The following PSORS1C1 variants were observed in gnomAD, a reference collection of about 807,000 sequenced individuals.
PSORS1C1 encodes the protein psoriasis susceptibility 1 candidate gene 1 protein.
Under a neutral mutation model 9.4 loss-of-function variants are expected in PSORS1C1, and 7 were observed. The observed-to-expected ratio is 0.75, with a 90% CI of 0.42 to 1.40. The LOEUF (loss-of-function observed/expected upper bound fraction) is 1.40. Among genes scored for constraint, PSORS1C1 ranks in the 40% most tolerant of loss-of-function variants. The pLI is 0.01. For missense variants in PSORS1C1, 146 were observed against 178.1 expected, an observed-to-expected ratio of 0.82 and a Z score of 1.02; for synonymous variants, 63 against 69.4, an observed-to-expected ratio of 0.91 and a Z score of 0.46.
chr6:31,134,397 G>C (rs1365841876), intron 3 of PSORS1C1, among the ~76,000 whole-genome samples: 2 of 151,692 alleles, frequency 1.3e-5, no homozygotes, highest in Non-Finnish European at 2.9e-5. Context: ...CCACCTCCCA[G>C]GTTCACGCCA....
intron 1 of PSORS1C1, among the ~76,000 whole-genome samples, chr6:31,123,437 T>G (rs1223251019): frequency 1.3e-5 from 2 of 152,212 alleles, no homozygotes; most frequent in Non-Finnish European, 2.9e-5. Context: ...ATCAGCTGAG[T>G]GCCCACACAG....
intron 1 of PSORS1C1, chr6:31,117,193 G>C (rs768318080): frequency 1.2e-6 from 2 of 1,613,138 alleles, no homozygotes; most frequent in Non-Finnish European, 8.5e-7. Context: ...GCTGTTTCCC[G>C]AGTGAGAGCT....
At chr6:31,130,567 A>T (rs3131007) in intron 3 of PSORS1C1, among the ~76,000 whole-genome samples, 82,661 of 151,388 alleles carry the variant, frequency 0.55, 22,653 homozygotes, top group East Asian at 0.7. Context: ...GCCCGCCACC[A>T]CTCCCGGCTA....
Position 31,115,956 on chromosome 6 carries a change from C to CT in PSORS1C1, c.-229+1066dup. The CT allele has an allele frequency of 7.1e-7, 1 of 1,412,028 alleles. No individual in the cohort carries two copies. The highest frequency in any genetic ancestry group is 1.0e-6 in the Non-Finnish European group (1 of 1,001,314). The allele number at this position is 1,412,028 out of a possible 1,614,324, so 87.5% of individuals were successfully genotyped here. A position where few individuals can be genotyped will look rare whatever the true frequency, so the allele number is the denominator to read the frequency against. On this transcript the variant is annotated intron_variant, in intron 1 of 5. Coordinates refer to ENST00000259881, the MANE Select transcript of PSORS1C1 (RefSeq NM_014068.3). The surrounding 1 kb of genome is among the most constrained non-coding windows in gnomAD (Gnocchi z 4.2). Reference sequence around the variant, plus strand: ...AACCCTATGCCTGGGCACTGGACTTCTCCCATATGGGATATAGTGTATGTG... The same window carrying CT: ...AACCCTATGCCTGGGCACTGGACTTCTTCCCATATGGGATATAGTGTATGTG...
At chr6:31,127,610 C>G (rs1042695294) in intron 2 of PSORS1C1, among the ~76,000 whole-genome samples, 2 of 89,826 alleles carry the variant, frequency 2.2e-5, no homozygotes, top group South Asian at 2.8e-4. Context: ...GAGTTTCGCT[C>G]GTAGCCCAGC....
intron 4 of PSORS1C1, 55 bp downstream of exon 4, chr6:31,138,514 T>C: frequency 6.2e-7 from 1 of 1,608,154 alleles, no homozygotes; most frequent in Non-Finnish European, 8.5e-7. Context: ...CTACCCCCGA[T>C]GGATCTGAAC....
At chr6:31,137,649 A>C (rs1773210396) in intron 3 of PSORS1C1, 35 of 332,572 alleles carry the variant, frequency 1.1e-4, no homozygotes, top group East Asian at 2.8e-4. Flanking sequence ...GCCCTGCCCC[A>C]GCGATCGCGC....
In PSORS1C1 at chr6:31,139,601, GGGAT is replaced by G; in HGVS notation, c.168-39_168-36del. Reference sequence around the variant, plus strand: ...TTCCTGGGCACTTCCCTTCCCCCATGGGATCCAGGCATCCTGCTCTCCACCATGT... The same window carrying G: ...TTCCTGGGCACTTCCCTTCCCCCATGCCAGGCATCCTGCTCTCCACCATGT... On this transcript the variant is annotated intron_variant, in intron 5 of 5. Transcript: ENST00000259881. This position sits in a 1 kb window ranked among gnomAD's most constrained non-coding sequence, Gnocchi z 5.2. 1 of 1,593,248 alleles carries G rather than the reference GGGAT, an allele frequency of 6.3e-7. No homozygotes were observed. The highest frequency in any genetic ancestry group is 8.6e-7 in the Non-Finnish European group (1 of 1,166,926).
At chr6:31,120,490 T>C in intron 1 of PSORS1C1, 5 of 1,295,654 alleles carry the variant, frequency 3.9e-6, no homozygotes, top group Non-Finnish European at 5.5e-6. Flanking sequence ...GAGCTGGACA[T>C]TCCCTGGGCA....
rs950079587 is a variant in PSORS1C1 at position 31,139,418 on chromosome 6, C to G, written c.168-223C>G. On this transcript the variant is annotated intron_variant, in intron 5 of 5. Transcript: ENST00000259881. The surrounding 1 kb of genome is among the most constrained non-coding windows in gnomAD (Gnocchi z 5.2). Reference sequence around the variant, plus strand: ...GAATGGGAGCAAACCACGCGATGGGCGTTGGGAAGCACCGTAATTACAGGG... The same window carrying G: ...GAATGGGAGCAAACCACGCGATGGGGGTTGGGAAGCACCGTAATTACAGGG... The G allele has an allele frequency of 6.7e-6, 4 of 597,752 alleles. No individual in the cohort carries two copies. The highest frequency in any genetic ancestry group is 1.9e-5 in the African/African-American group (1 of 53,840). 37.0% of individuals were successfully genotyped at this position (597,752 alleles called of 1,614,324 possible).
intron 1 of PSORS1C1, among the ~76,000 whole-genome samples, chr6:31,121,345 C>T (rs1772453686): frequency 6.6e-6 from 1 of 152,166 alleles, no homozygotes; most frequent in South Asian, 2.1e-4. Flanking sequence ...AGGTGGTGGC[C>T]CCATAGCCCA....
At chr6:31,122,775 G>A (rs3130995) in intron 1 of PSORS1C1, among the ~76,000 whole-genome samples, 62,166 of 151,984 alleles carry the variant, frequency 0.41, 13,552 homozygotes, top group African/African-American at 0.57. Context: ...GGGAAACTCC[G>A]TCTCAAAAAA....
intron 3 of PSORS1C1, among the ~76,000 whole-genome samples, chr6:31,131,600 A>AC (rs1772916156): frequency 6.8e-6 from 1 of 146,384 alleles, no homozygotes; most frequent in African/African-American, 2.5e-5. Flanking sequence ...TCCGTCTCAA[A>AC]AAAAAAAAAA....
At position 31,139,940 on chromosome 6, in the gene PSORS1C1, A is replaced by G. The variant is rs140133162; in HGVS notation, c.*8A>G. The stretch of plus-strand genomic sequence containing the variant: ...CTCAGCTCCTTGATCTAAGCCTCCC[A>G]GAGAGACCCCTAGAACGTTTCCCTC... On this transcript the variant is annotated 3_prime_UTR_variant, in exon 6 of 6. Transcript: ENST00000259881. This position sits in a 1 kb window ranked among gnomAD's most constrained non-coding sequence, Gnocchi z 5.2. 1.1e-5 allele frequency: 17 copies of G among 1,603,890 alleles called. No homozygotes were observed. The African/African-American group carries it at 1.2e-4, about 12-fold the overall frequency.
chr6:31,116,083 G>A lies in PSORS1C1; in HGVS notation c.-229+1192G>A, dbSNP rs754267246. On this transcript the variant is annotated intron_variant, in intron 1 of 5. Coordinates refer to ENST00000259881, the MANE Select transcript of PSORS1C1 (RefSeq NM_014068.3). Reference sequence around the variant, plus strand: ...GAAAACTTCAGGGTCAGCTAGCTGGGGCCCCAGAGGCTTCACTTGGGCTAG... The same window carrying A: ...GAAAACTTCAGGGTCAGCTAGCTGGAGCCCCAGAGGCTTCACTTGGGCTAG... 45 of 1,611,846 alleles carry A rather than the reference G, an allele frequency of 2.8e-5. No homozygotes were observed. In the Middle Eastern group the frequency reaches 5.2e-4, roughly 19 times the overall value.
At chr6:31,129,751 C>T (rs944424668) in intron 3 of PSORS1C1, 106 bp downstream of exon 3, 3 of 724,682 alleles carry the variant, frequency 4.1e-6, no homozygotes, top group Admixed American at 4.1e-5. Flanking sequence ...GGAAGGGATA[C>T]AAAGAAAGAC....
intron 1 of PSORS1C1, chr6:31,116,200 T>C: frequency 6.2e-7 from 1 of 1,613,508 alleles, no homozygotes; most frequent in Non-Finnish European, 8.5e-7. Flanking sequence ...GGGAGAGCCA[T>C]CGGGGCCCCC....
chr6:31,131,588 A>C, intron 3 of PSORS1C1, among the ~76,000 whole-genome samples: 1 of 107,778 alleles, frequency 9.3e-6, no homozygotes, highest in African/African-American at 4.0e-5. Context: ...AAAGAGCAAG[A>C]CTCCGTCTCA....
At chr6:31,116,965 G>A in intron 1 of PSORS1C1, 1 of 1,614,210 alleles carries the variant, frequency 6.2e-7, no homozygotes, top group South Asian at 1.1e-5. Flanking sequence ...CGAACTACAG[G>A]GACGCTGGTT....
Sources: allele counts gnomAD v4.1 joint callset (sites outside exome capture counted in the v4.1 genomes callset), GRCh38; gene constraint gnomAD v4.1.1; non-coding constraint Gnocchi (gnomAD v3.1); transcripts MANE v1.5; gene names NCBI Gene and HGNC (gene_info 2026-07-23, HGNC 2026-07-21).